CUL9: variants seen among roughly 807,000 people sequenced by gnomAD.
The protein encoded by CUL9 is cullin-9.
In CUL9, 79 loss-of-function variants were observed where a neutral mutation model predicts 272.6. The observed-to-expected ratio is 0.29, with a 90% CI of 0.24 to 0.35. The LOEUF (loss-of-function observed/expected upper bound fraction) is 0.35. Ranked by LOEUF, CUL9 falls within the 10% of genes least tolerant of loss-of-function variation. CUL9 has a pLI of 1.00. For missense variants in CUL9, 2,532 were observed against 3,255.6 expected, an observed-to-expected ratio of 0.78 and a Z score of 5.41; for synonymous variants, 1,186 against 1,286.5, an observed-to-expected ratio of 0.92 and a Z score of 1.67.
rs2150569112 is a variant in CUL9 at position 43,199,318 on chromosome 6, G to A, written c.3103G>A (p.Glu1035Lys). 1 of 1,613,592 alleles carries A rather than the reference G, an allele frequency of 6.2e-7. No individual in the cohort carries two copies. The highest frequency in any genetic ancestry group is 2.2e-5 in the East Asian group (1 of 44,842). Residue 1035 changes from glutamate (E) to lysine (K), a missense_variant, in exon 13 of 41, where the codon GAG becomes AAG. Glu to Lys is a moderately conservative substitution (Grantham distance 56). This residue lies in a region of CUL9 where 2,218 missense variants were observed against 2,788.6 expected (regional missense o/e 0.80). Transcript: ENST00000252050. The surrounding 1 kb of genome is among the most constrained non-coding windows in gnomAD (Gnocchi z 4.4). ...FPEAMVLPWH[E>K]VLEPCLNCLS... ...TGAGGCAATGGTCCTCCCCTGGCAC[G>A]AGGTCTTGGAGCCCTGCCTCAACTG...
intron 8 of CUL9, among the ~76,000 whole-genome samples, chr6:43,191,450 G>A (rs140221263): frequency 6.5e-4 from 96 of 147,648 alleles, no homozygotes; most frequent in South Asian, 1.5e-3. Context: ...AAGTATCTGG[G>A]ACTACAGGAA....
chr6:43,189,137 CTT>C (rs11453991), intron 8 of CUL9, among the ~76,000 whole-genome samples: 1 of 145,430 alleles, frequency 6.9e-6, no homozygotes, highest in Non-Finnish European at 1.5e-5. Flanking sequence ...TCCCTACGTA[CTT>C]TTTTTTTTTC....
chr6:43,198,649 T>C lies in CUL9; in HGVS notation c.2844T>C (p.Pro948=). 1 of 1,613,926 alleles carries C rather than the reference T, an allele frequency of 6.2e-7. No homozygotes were observed. ...TPIIQGQDGS[P]ELLIRSLVGG... ...TCATCCAGGGTCAGGATGGGTCCCC[T>C]GAGCTACTGATTCGATCCCTGGTTG... Residue 948 remains proline (P), a synonymous_variant, in exon 12 of 41, where the codon CCT becomes CCC. Coordinates refer to ENST00000252050, the MANE Select transcript of CUL9 (RefSeq NM_015089.4).
At position 43,203,956 on chromosome 6, in the gene CUL9, C is replaced by T; in HGVS notation, c.4128C>T (p.Val1376=). ...ALGKTCWEAL[V]SPLVQNITSP... ...GCAAGACCTGCTGGGAGGCCCTGGT[C>T]AGCCCCCTGGTGCAGAACATCACCT... is the stretch of plus-strand genomic sequence containing the variant. Residue 1376 remains valine, a synonymous_variant, in exon 20 of 41, where the codon GTC becomes GTT. Coordinates refer to ENST00000252050, the MANE Select transcript of CUL9 (RefSeq NM_015089.4). This position sits in a 1 kb window ranked among gnomAD's most constrained non-coding sequence, Gnocchi z 5.0. 1.9e-6 allele frequency: 3 copies of T among 1,610,666 alleles called. No homozygotes were observed. Among genetic ancestry groups the T allele is most frequent in the South Asian group, 2.2e-5 (2 of 90,938 alleles).
intron 1 of CUL9, among the ~76,000 whole-genome samples, chr6:43,182,479 T>G (rs1266562168): frequency 6.6e-6 from 1 of 150,816 alleles, no homozygotes; most frequent in Admixed American, 6.6e-5. Context: ...TCTGCAAGCT[T>G]GGGCTTGACC....
At chr6:43,192,800 C>T (rs764657467) in intron 8 of CUL9, among the ~76,000 whole-genome samples, 1 of 152,164 alleles carries the variant, frequency 6.6e-6, no homozygotes, top group Non-Finnish European at 1.5e-5. Flanking sequence ...CCTTCATTAG[C>T]CGAGGAGCCA....
intron 2 of CUL9, 72 bp from the exon 3 acceptor site, chr6:43,185,384 A>C (rs947117002): frequency 5.2e-5 from 80 of 1,530,472 alleles, no homozygotes; most frequent in Non-Finnish European, 7.0e-5. Context: ...GGGGTAGGAG[A>C]TAGAATCTAG....
rs1776591342 is a variant in CUL9, at chr6:43,223,921, C to T, written c.7285-174C>T. 1.5e-6 allele frequency: 1 copy of T among 675,002 alleles called. No homozygotes were observed. The highest frequency in any genetic ancestry group is 2.7e-6 in the Non-Finnish European group (1 of 375,828). 41.8% of individuals were successfully genotyped at this position (675,002 alleles called of 1,614,324 possible). A position where few individuals can be genotyped will look rare whatever the true frequency, so the allele number is the denominator to read the frequency against. ...GTGCCTCACCTGGTACCCCGTATCCCTGGAGACCATCTGTGGGTGAACTCA... is the reference window on the plus strand; with the variant it reads ...GTGCCTCACCTGGTACCCCGTATCCTTGGAGACCATCTGTGGGTGAACTCA... On this transcript the variant is annotated intron_variant, in intron 39 of 40. Coordinates refer to ENST00000252050, the MANE Select transcript of CUL9 (RefSeq NM_015089.4). The surrounding 1 kb of genome is among the most constrained non-coding windows in gnomAD (Gnocchi z 4.1).
At position 43,200,613 on chromosome 6, in the gene CUL9, C is replaced by T. The variant is rs768863895; in HGVS notation, c.3476-50C>T. 2.2e-5 allele frequency: 35 copies of T among 1,613,474 alleles called. No individual in the cohort carries two copies. The East Asian group carries it at 7.6e-4, about 35-fold the overall frequency. On this transcript the variant is annotated intron_variant, in intron 15 of 40. Coordinates refer to ENST00000252050, the MANE Select transcript of CUL9 (RefSeq NM_015089.4). This position sits in a 1 kb window ranked among gnomAD's most constrained non-coding sequence, Gnocchi z 4.0. ...CTGCTCCTTAGACCTTTTCCTTTTTCCTCTCAACTAACCTAGCTGTGACTG... is the reference window on the plus strand; with the variant it reads ...CTGCTCCTTAGACCTTTTCCTTTTTTCTCTCAACTAACCTAGCTGTGACTG...
rs563400266 is a variant in CUL9 at position 43,198,043 on chromosome 6, C to T, written c.2804-566C>T. ...ATCACTTGAGGTCAGCAGTTTGAGA[C>T]CAGCCCGGCCAACATGGTGAAACCG... On this transcript the variant is annotated intron_variant, in intron 11 of 40. Transcript: ENST00000252050. Among the ~76,000 whole-genome samples, 19 of 152,106 alleles carry T rather than the reference C, an allele frequency of 1.2e-4. No homozygotes were observed. The South Asian group carries it at 3.7e-3, about 30-fold the overall frequency.
chr6:43,186,849 A>C (rs1772964349), intron 4 of CUL9, 111 bp from the exon 5 acceptor site: 1 of 1,336,546 alleles, frequency 7.5e-7, no homozygotes, highest in African/African-American at 1.5e-5. Flanking sequence ...TGTGTATCTG[A>C]GGGTGCGCCC....
Position 43,199,979 on chromosome 6 carries a change from G to A in CUL9, c.3207G>A (p.Lys1069=). Reference sequence around the variant, plus strand: ...TACATCGCCTGGCCTCGATGCATAAGGACTATGCTGTGGTGCTCTGCTGCC... The same window carrying A: ...TACATCGCCTGGCCTCGATGCATAAAGACTATGCTGTGGTGCTCTGCTGCC... ...CFLHRLASMH[K]DYAVVLCCLG... The change falls in exon 14 of 41, where the codon AAG becomes AAA. Residue 1069 remains lysine (K), a synonymous_variant. Transcript: ENST00000252050. This position sits in a 1 kb window ranked among gnomAD's most constrained non-coding sequence, Gnocchi z 4.4. The A allele has an allele frequency of 6.2e-7, 1 of 1,614,192 alleles. No individual in the cohort carries two copies. Among genetic ancestry groups the A allele is most frequent in the South Asian group, 1.1e-5 (1 of 91,092 alleles).
In CUL9 at chr6:43,203,787, G is replaced by T; in HGVS notation, c.4026-67G>T. On this transcript the variant is annotated intron_variant, in intron 19 of 40. Transcript: ENST00000252050. This position sits in a 1 kb window ranked among gnomAD's most constrained non-coding sequence, Gnocchi z 5.0. ...AACAGGGGTGATTGGGAGCTGATCT[G>T]CACTTGAATGGAGGCCTCTGGGAAA... 6 of 1,550,372 alleles carry T rather than the reference G, an allele frequency of 3.9e-6. No homozygotes were observed. The highest frequency in any genetic ancestry group is 5.2e-6 in the Non-Finnish European group (6 of 1,144,846).
Position 43,184,416 on chromosome 6 carries a change from C to T in CUL9, c.106C>T (p.Pro36Ser). ...ACAGAGGCCTGGGCATGACGGGCAT[C>T]CTGAATACCTGATCCGATGGAGTGT... ...IRQRPGHDGH[P>S]EYLIRWSVLK... The change falls in exon 2 of 41, where the codon CCT (proline) becomes TCT (serine). Residue 36 changes from proline (P) to serine (S), a missense_variant. By Grantham distance (74) the Pro-to-Ser change is moderately conservative. Coordinates refer to ENST00000252050, the MANE Select transcript of CUL9 (RefSeq NM_015089.4). The surrounding 1 kb of genome is among the most constrained non-coding windows in gnomAD (Gnocchi z 4.8). 6.2e-7 allele frequency: 1 copy of T among 1,613,708 alleles called. No homozygotes were observed. The highest frequency in any genetic ancestry group is 8.5e-7 in the Non-Finnish European group (1 of 1,179,810).
At chr6:43,194,371 TGCAGTG>T (rs1425054376) in intron 9 of CUL9, among the ~76,000 whole-genome samples, 14 of 151,916 alleles carry the variant, frequency 9.2e-5, no homozygotes, top group African/African-American at 3.1e-4. Context: ...CAGGCTGGAG[TGCAGTG>T]GCTCAATCTC....
chr6:43,209,956 TTTTTA>T (rs938445372), intron 26 of CUL9, among the ~76,000 whole-genome samples: 5 of 151,938 alleles, frequency 3.3e-5, no homozygotes, highest in East Asian at 1.9e-4. Flanking sequence ...CCTTTTGTAC[TTTTTA>T]TTTTATTTTG....
intron 24 of CUL9, among the ~76,000 whole-genome samples, 176 bp from the exon 25 acceptor site, chr6:43,205,829 CAA>C (rs752924474): frequency 6.2e-5 from 5 of 80,066 alleles, no homozygotes; most frequent in African/African-American, 5.1e-5. Context: ...GACTCCGTCT[CAA>C]AAAAAAAAAA....
intron 8 of CUL9, among the ~76,000 whole-genome samples, chr6:43,191,390 C>G (rs111931528): frequency 0.066 from 9,819 of 149,512 alleles, 408 homozygotes; most frequent in Non-Finnish European, 0.094. Flanking sequence ...ACATAGCTCA[C>G]TACAGCCTCA....
chr6:43,214,919 G>A (rs1214714), intron 29 of CUL9, among the ~76,000 whole-genome samples, 160 bp from the exon 30 acceptor site: 150,535 of 152,186 alleles, frequency 0.99, 74,454 homozygotes, highest in Middle Eastern at 1. Flanking sequence ...TGAGGGTGCA[G>A]TGAGCTGTGA....
Sources: allele counts gnomAD v4.1 joint callset (sites outside exome capture counted in the v4.1 genomes callset), GRCh38; gene constraint gnomAD v4.1.1; regional missense constraint gnomAD v4.1.1; non-coding constraint Gnocchi (gnomAD v3.1); transcripts MANE v1.5; gene names NCBI Gene and HGNC (gene_info 2026-07-23, HGNC 2026-07-21).